RPS3: variants seen among roughly 807,000 people sequenced by gnomAD.
The protein encoded by RPS3 is ribosomal protein S3.
RPS3 carries 2 observed loss-of-function variants against 25.8 expected under a neutral mutation model. That is an observed-to-expected ratio of 0.08 (90% CI 0.03 to 0.24). RPS3 has a LOEUF of 0.24. Ranked by LOEUF, RPS3 falls within the 10% of genes least tolerant of loss-of-function variation. The probability of loss-of-function intolerance (pLI) is 1.00; values close to 1 mark genes in which losing one functional copy is unlikely to be tolerated. For synonymous variants in RPS3, 114 were observed against 114.2 expected, an observed-to-expected ratio of 1.00 and a Z score of 0.01; for missense variants, 107 against 307.1, an observed-to-expected ratio of 0.35 and a Z score of 4.87.
chr11:75,408,933 G>T (rs1948315321), downstream of RPS3, among the ~76,000 whole-genome samples: 2 of 152,046 alleles, frequency 1.3e-5, no homozygotes, highest in South Asian at 4.1e-4. Flanking sequence ...ATTATGCTGG[G>T]ACTCCCTCTA....
At chr11:75,414,566 G>A (rs770001662) in intron 6 of RPS3, among the ~76,000 whole-genome samples, 25 of 151,816 alleles carry the variant, frequency 1.6e-4, no homozygotes, top group Non-Finnish European at 3.1e-4. Context: ...AGCTGAGATC[G>A]CGCCACTGCA....
At chr11:75,402,300 T>A (rs750876728) in intron 3 of RPS3, 52 bp from the exon 4 acceptor site, 61 of 1,596,114 alleles carry the variant, frequency 3.8e-5, no homozygotes, top group Non-Finnish European at 4.9e-5. Context: ...TTTTCAACTT[T>A]CAGTTGAAAA....
intron 2 of RPS3, among the ~76,000 whole-genome samples, 157 bp downstream of exon 2, chr11:75,400,981 C>T (rs1948201596): frequency 6.6e-6 from 1 of 152,164 alleles, no homozygotes; most frequent in Admixed American, 6.5e-5. Context: ...CTCCCGGGTT[C>T]ACGCCATTCT....
At chr11:75,414,330 G>A (rs1948379837) in intron 6 of RPS3, among the ~76,000 whole-genome samples, 1 of 152,218 alleles carries the variant, frequency 6.6e-6, no homozygotes, top group Non-Finnish European at 1.5e-5. Context: ...GGTTACTGTC[G>A]GCCGGGTGCC....
At chr11:75,409,773 T>C (rs61896038), downstream of RPS3, among the ~76,000 whole-genome samples, 1 of 143,258 alleles carries the variant, frequency 7.0e-6, no homozygotes. Context: ...CGGGCAGAAG[T>C]GCCCCTCACC....
rs183314111 is a variant in RPS3 at position 75,399,598 on chromosome 11, T to C, written c.30+21T>C. 61 of 1,610,544 alleles carry C rather than the reference T, an allele frequency of 3.8e-5. No individual in the cohort carries two copies. The East Asian group carries it at 5.8e-4, about 15-fold the overall frequency. Reference sequence around the variant, plus strand: ...GGAAGGTGAGCCTCTGGGGACTGGGTTCGGAGAACGACGGCGCCGCGCGGG... The same window carrying C: ...GGAAGGTGAGCCTCTGGGGACTGGGCTCGGAGAACGACGGCGCCGCGCGGG... On this transcript the variant is annotated intron_variant, in intron 1 of 6. Transcript: ENST00000531188.
chr11:75,401,526 G>T, intron 2 of RPS3, 114 bp from the exon 3 acceptor site: 2 of 756,886 alleles, frequency 2.6e-6, no homozygotes, highest in Non-Finnish European at 2.2e-6. Context: ...TTTAGTTTTT[G>T]TCAATGAAAA....
At chr11:75,405,022 C>T (rs1948265360) in intron 6 of RPS3, 154 bp downstream of exon 6, 2 of 534,240 alleles carry the variant, frequency 3.7e-6, no homozygotes. Flanking sequence ...AACCTGGGGT[C>T]TATTTAACCC....
downstream of RPS3, among the ~76,000 whole-genome samples, chr11:75,407,142 CTT>C (rs942560637): frequency 2.6e-5 from 4 of 152,268 alleles, no homozygotes; most frequent in East Asian, 3.9e-4. Context: ...GGATTCCTGT[CTT>C]TTTTATTTTT....
chr11:75,420,765 TAAAA>T (rs1948436105), intron 6 of RPS3, among the ~76,000 whole-genome samples: 2 of 151,732 alleles, frequency 1.3e-5, no homozygotes, highest in South Asian at 4.2e-4. Context: ...AGAAGTCACA[TAAAA>T]GAAAGACCTG....
At chr11:75,403,946 GTC>G in intron 4 of RPS3, 72 bp from the exon 5 acceptor site, 1 of 1,422,508 alleles carries the variant, frequency 7.0e-7, no homozygotes, top group Middle Eastern at 2.6e-4. Context: ...TGAAAACCAA[GTC>G]TTTGTTTTGT....
Position 75,406,235 on chromosome 11 carries a change from T to A in RPS3, c.*625T>A, listed in dbSNP as rs1056856277. Reference sequence around the variant, plus strand: ...TGTTCTGGAGAACTGTGAAGAACATTTAAATTGTCTCTGATTTTATCTATC... The same window carrying A: ...TGTTCTGGAGAACTGTGAAGAACATATAAATTGTCTCTGATTTTATCTATC... On this transcript the variant is annotated 3_prime_UTR_variant, in exon 7 of 7. Coordinates refer to ENST00000531188, the MANE Select transcript of RPS3 (RefSeq NM_001005.5). 1.3e-5 allele frequency: 2 copies of A among 152,238 alleles called. No homozygotes were observed. Among genetic ancestry groups the A allele is most frequent in the African/African-American group, 4.8e-5 (2 of 41,462 alleles). 9.4% of individuals were successfully genotyped at this position (152,238 alleles called of 1,614,324 possible).
intron 6 of RPS3, among the ~76,000 whole-genome samples, chr11:75,416,997 T>C (rs1948405243): frequency 6.6e-6 from 1 of 152,246 alleles, no homozygotes; most frequent in Non-Finnish European, 1.5e-5. Context: ...TAGCCAAAGC[T>C]ACATTTATAG....
rs757191814 is a variant in RPS3 at position 75,400,789 on chromosome 11, A to G, written c.126A>G (p.Thr42=). Residue 42 remains threonine, a synonymous_variant, in exon 2 of 7, where the codon ACA becomes ACG. Coordinates refer to ENST00000531188, the MANE Select transcript of RPS3 (RefSeq NM_001005.5). ...ACTCTGGAGTTGAGGTGCGAGTTAC[A>G]CCAACCAGGACAGAAATCATTATCT... The part of the protein sequence containing the change: ...DGYSGVEVRV[T]PTRTEIIILA... 2.5e-6 allele frequency: 4 copies of G among 1,612,662 alleles called. No individual in the cohort carries two copies. The highest frequency in any genetic ancestry group is 4.5e-5 in the East Asian group (2 of 44,872).
chr11:75,416,066 C>A (rs1406502422), intron 6 of RPS3, among the ~76,000 whole-genome samples: 3 of 150,932 alleles, frequency 2.0e-5, no homozygotes, highest in Non-Finnish European at 3.0e-5. Flanking sequence ...TTAAAGAAAA[C>A]CCCAGCTATT....
chr11:75,419,221 C>T (rs1948424707), intron 6 of RPS3, among the ~76,000 whole-genome samples: 1 of 152,160 alleles, frequency 6.6e-6, no homozygotes, highest in African/African-American at 2.4e-5. Flanking sequence ...AATGATTTAA[C>T]TGGATGAAAA....
chr11:75,407,719 G>A (rs916122493), downstream of RPS3, among the ~76,000 whole-genome samples: 38 of 152,120 alleles, frequency 2.5e-4, no homozygotes, highest in African/African-American at 8.7e-4. Context: ...CGCCTGCCTC[G>A]GCCCCTCAAA....
rs367920666 is a variant in RPS3, at chr11:75,404,518, C to A, written c.539-154C>A. On this transcript the variant is annotated intron_variant, in intron 5 of 6. Transcript: ENST00000531188. This position sits in a 1 kb window ranked among gnomAD's most constrained non-coding sequence, Gnocchi z 4.6. ...TGGTGCTGTGCACGAGTTCCTTTGGCAGAAGTGTCCTATTTATTGATCGAT... is the reference window on the plus strand; with the variant it reads ...TGGTGCTGTGCACGAGTTCCTTTGGAAGAAGTGTCCTATTTATTGATCGAT... 2 of 841,386 alleles carry A rather than the reference C, an allele frequency of 2.4e-6. No homozygotes were observed. The highest frequency in any genetic ancestry group is 3.3e-5 in the African/African-American group (2 of 60,272). 52.1% of individuals were successfully genotyped at this position (841,386 alleles called of 1,614,324 possible).
intron 6 of RPS3, among the ~76,000 whole-genome samples, chr11:75,413,923 G>GAGAT (rs1182484225): frequency 6.6e-6 from 1 of 152,218 alleles, no homozygotes; most frequent in African/African-American, 2.4e-5. Context: ...GCTCTGAAAT[G>GAGAT]AGATCTAGGG....
Sources: gnomAD v4.1 joint callset for allele counts (sites outside exome capture counted in the v4.1 genomes callset) on GRCh38, gnomAD v4.1.1 for gene constraint, Gnocchi (gnomAD v3.1) non-coding constraint, MANE v1.5 for transcripts, NCBI Gene and HGNC (gene_info 2026-07-23, HGNC 2026-07-21) for gene names.